Variants in CSNK1A1 observed in about 807,000 individuals in gnomAD.
The protein encoded by CSNK1A1 is casein kinase 1 alpha 1, also known as casein kinase I isoform alpha.
A neutral mutation model predicts 46.1 loss-of-function variants in CSNK1A1; 7 were observed. That is an observed-to-expected ratio of 0.15 (90% CI 0.09 to 0.29). The LOEUF is 0.29. CSNK1A1 is among the 10% of genes least tolerant of loss of function. The probability of loss-of-function intolerance (pLI) is 1.00; values close to 1 mark genes in which losing one functional copy is unlikely to be tolerated. For synonymous variants in CSNK1A1, 137 were observed against 141.5 expected (o/e 0.97, Z 0.23); for missense variants, 96 against 417.1 (o/e 0.23, Z 6.71).
chr5:149,529,154 A>G (rs773898599), intron 2 of CSNK1A1, among the ~76,000 whole-genome samples: 2 of 152,246 alleles, frequency 1.3e-5, no homozygotes, highest in East Asian at 1.9e-4. Context: ...AGTGAAAATA[A>G]TAATTTTAAA....
chr5:149,503,425 A>C lies in CSNK1A1; in HGVS notation c.1006+2022T>G, dbSNP rs1257052995. ...TGTGTTCTGTGAAATGGCACTTTTC[A>C]GTAGCAATACAGATGTACTGCCTTG... On this transcript the variant is annotated intron_variant, in intron 9 of 9. Transcript: ENST00000377843. 6.1e-6 allele frequency: 6 copies of C among 985,336 alleles called. No individual in the cohort carries two copies. In the African/African-American group the frequency reaches 1.0e-4, roughly 17 times the overall value. The allele number at this position is 985,336 out of a possible 1,614,324, so 61.0% of individuals were successfully genotyped here. A position where few individuals can be genotyped will look rare whatever the true frequency, so the allele number is the denominator to read the frequency against.
At chr5:149,546,179 G>A (rs1762477232) in intron 2 of CSNK1A1, among the ~76,000 whole-genome samples, 2 of 151,828 alleles carry the variant, frequency 1.3e-5, no homozygotes, top group East Asian at 3.9e-4. Flanking sequence ...TGGGATTACA[G>A]GCGTGAGCCA....
chr5:149,499,070 G>C, intron 9 of CSNK1A1: 7 of 985,374 alleles, frequency 7.1e-6, no homozygotes, highest in Non-Finnish European at 8.4e-6. Flanking sequence ...CATTTCTCCA[G>C]TGAATTGTCC....
intron 2 of CSNK1A1, chr5:149,529,800 G>C: frequency 2.2e-6 from 1 of 453,960 alleles, no homozygotes; most frequent in Non-Finnish European, 4.4e-6. Flanking sequence ...CTTGGCATCA[G>C]TATACAATAT....
intron 3 of CSNK1A1, among the ~76,000 whole-genome samples, chr5:149,520,689 A>T (rs1761540394): frequency 6.6e-6 from 1 of 152,198 alleles, no homozygotes; most frequent in African/African-American, 2.4e-5. Flanking sequence ...CCTGTATAAT[A>T]GTTTCAGTTG....
chr5:149,509,990 T>C (rs778781312), intron 6 of CSNK1A1, 37 bp from the exon 7 acceptor site: 2 of 1,420,974 alleles, frequency 1.4e-6, no homozygotes, highest in Non-Finnish European at 2.0e-6. Context: ...ATATACTCAG[T>C]GCTACTGAGA....
chr5:149,499,219 A>G, intron 9 of CSNK1A1: 1 of 984,094 alleles, frequency 1.0e-6, no homozygotes, highest in Non-Finnish European at 1.2e-6. Context: ...TAGGTGGCTC[A>G]TCCAGGCTTC....
chr5:149,549,312 T>C, intron 2 of CSNK1A1: 1 of 598,742 alleles, frequency 1.7e-6, no homozygotes, highest in Non-Finnish European at 3.1e-6. Context: ...GTGCCAAATA[T>C]GACCATTCAC....
In CSNK1A1 at chr5:149,507,150, TA is replaced by T; in HGVS notation, c.751-18del. On this transcript the variant is annotated intron_variant, in intron 7 of 9. Coordinates refer to ENST00000377843, the MANE Select transcript of CSNK1A1 (RefSeq NM_001892.6). ...AGGAAACCCCTATAGGTTCAAGGGT[TA>T]AAACAAAGTTAAAAACAAACATTTC... 1 of 1,544,824 alleles carries T rather than the reference TA, an allele frequency of 6.5e-7. No homozygotes were observed. Among genetic ancestry groups the T allele is most frequent in the Non-Finnish European group, 8.8e-7 (1 of 1,132,200 alleles).
intron 2 of CSNK1A1, among the ~76,000 whole-genome samples, chr5:149,528,898 T>A (rs149646895): frequency 1.3e-5 from 2 of 152,210 alleles, no homozygotes; most frequent in Non-Finnish European, 2.9e-5. Flanking sequence ...AAGTTTATAG[T>A]CTGAAACACC....
rs1761437918 is a variant in CSNK1A1 at position 149,517,469 on chromosome 5, T to C, written c.456+2821A>G. On this transcript the variant is annotated intron_variant, in intron 4 of 9. Transcript: ENST00000377843. The surrounding 1 kb of genome is among the most constrained non-coding windows in gnomAD (Gnocchi z 4.4). Reference sequence around the variant, plus strand: ...CAAATAAATTTTTAAAAACTAACGATCTATCTCAAGTTTACTATTAGGTAA... The same window carrying C: ...CAAATAAATTTTTAAAAACTAACGACCTATCTCAAGTTTACTATTAGGTAA... Among the ~76,000 whole-genome samples the C allele has an allele frequency of 6.6e-6, 1 of 152,146 alleles. No homozygotes were observed. Among genetic ancestry groups the C allele is most frequent in the African/African-American group, 2.4e-5 (1 of 41,434 alleles).
chr5:149,499,950 GTTTTTTTTCTTTTTTTCTTT>G (rs1306009315), intron 9 of CSNK1A1, among the ~76,000 whole-genome samples: 56 of 138,168 alleles, frequency 4.1e-4, no homozygotes, highest in East Asian at 2.6e-3. Context: ...TGGTTGTGGG[GTTTTTTTTCTTTTTTTCTTT>G]TTTTTTTTTT....
Position 149,495,491 on chromosome 5 carries a change from CAGATAACTTAAAGA to C in CSNK1A1, c.*1348_*1361del. 6.6e-6 allele frequency: 1 copy of C among 152,094 alleles called. No individual in the cohort carries two copies. Among genetic ancestry groups the C allele is most frequent in the East Asian group, 1.9e-4 (1 of 5,202 alleles). The allele number at this position is 152,094 out of a possible 1,614,324, so 9.4% of individuals were successfully genotyped here. A position where few individuals can be genotyped will look rare whatever the true frequency, so the allele number is the denominator to read the frequency against. ...AAGATTGAGAGGAAGCGCACGCACA[CAGATAACTTAAAGA>C]AGCAGGAGGGGCTGGGGAGGGTCAA... On this transcript the variant is annotated 3_prime_UTR_variant, in exon 10 of 10. Coordinates refer to ENST00000377843, the MANE Select transcript of CSNK1A1 (RefSeq NM_001892.6).
chr5:149,537,059 G>A (rs1029857441), intron 2 of CSNK1A1, among the ~76,000 whole-genome samples: 1 of 152,112 alleles, frequency 6.6e-6, no homozygotes, highest in Non-Finnish European at 1.5e-5. Flanking sequence ...ACATAAATAA[G>A]GGATTATTAT....
chr5:149,550,799 G>GT lies in CSNK1A1; in HGVS notation c.123+42dup, dbSNP rs1321605085. ...TGCACGGTGGTGGTGGGGGGAATGA[G>GT]TAAAAGCGCAGCGTTATCGTGAACC... On this transcript the variant is annotated intron_variant, in intron 1 of 9. Coordinates refer to ENST00000377843, the MANE Select transcript of CSNK1A1 (RefSeq NM_001892.6). The surrounding 1 kb of genome is among the most constrained non-coding windows in gnomAD (Gnocchi z 4.3). 1.4e-5 allele frequency: 23 copies of GT among 1,613,004 alleles called. No individual in the cohort carries two copies. Among genetic ancestry groups the GT allele is most frequent in the Non-Finnish European group, 1.9e-5 (22 of 1,179,370 alleles).
chr5:149,499,001 CA>C, intron 9 of CSNK1A1: 1 of 985,422 alleles, frequency 1.0e-6, no homozygotes. Context: ...ATAGAGCAGT[CA>C]AATCCAGCTT....
At chr5:149,505,329 G>C in intron 9 of CSNK1A1, 118 bp downstream of exon 9, 1 of 1,434,732 alleles carries the variant, frequency 7.0e-7, no homozygotes, top group Non-Finnish European at 9.2e-7. Context: ...TTTTAACGCA[G>C]AGCCAAATTT....
chr5:149,506,607 T>G (rs1406509277), intron 8 of CSNK1A1, among the ~76,000 whole-genome samples: 2 of 152,156 alleles, frequency 1.3e-5, no homozygotes, highest in African/African-American at 4.8e-5. Context: ...CCCCCCTTTT[T>G]CAAGACCAGT....
In CSNK1A1 at chr5:149,550,793, G is replaced by T; in HGVS notation, c.123+49C>A. 2.5e-6 allele frequency: 4 copies of T among 1,612,290 alleles called. No homozygotes were observed. The highest frequency in any genetic ancestry group is 3.4e-6 in the Non-Finnish European group (4 of 1,178,818). On this transcript the variant is annotated intron_variant, in intron 1 of 9. Coordinates refer to ENST00000377843, the MANE Select transcript of CSNK1A1 (RefSeq NM_001892.6). This position sits in a 1 kb window ranked among gnomAD's most constrained non-coding sequence, Gnocchi z 4.3. ...TGGGGGTGCACGGTGGTGGTGGGGG[G>T]AATGAGTAAAAGCGCAGCGTTATCG...
Sources: allele counts gnomAD v4.1 joint callset (sites outside exome capture counted in the v4.1 genomes callset), GRCh38; gene constraint gnomAD v4.1.1; non-coding constraint Gnocchi (gnomAD v3.1); transcripts MANE v1.5; gene names NCBI Gene and HGNC (gene_info 2026-07-23, HGNC 2026-07-21).